PRKCSH: variants seen among roughly 807,000 people sequenced by gnomAD.
The protein encoded by PRKCSH is glucosidase 2 subunit beta.
In PRKCSH, 42 loss-of-function variants were observed where a neutral mutation model predicts 79.7. The ratio of observed to expected loss-of-function variants is 0.53; its 90% CI spans 0.41 to 0.68. PRKCSH has a LOEUF of 0.68. Among genes scored for constraint, PRKCSH ranks in the 30% least tolerant of loss-of-function variants. The probability of loss-of-function intolerance (pLI) is 0.00; values close to 1 mark genes in which losing one functional copy is unlikely to be tolerated. For synonymous variants in PRKCSH, 325 were observed against 288.2 expected (o/e 1.13, Z -1.29); for missense variants, 686 against 709.0 (o/e 0.97, Z 0.37).
intron 8 of PRKCSH, 127 bp from the exon 9 acceptor site, chr19:11,446,145 C>G: frequency 1.0e-6 from 1 of 981,790 alleles, no homozygotes; most frequent in South Asian, 1.4e-5. Context: ...GGCCCCTACA[C>G]CTTGAGGTCC....
Position 11,447,057 on chromosome 19 carries a change from A to AC in PRKCSH, c.763-12dup. On this transcript the variant is annotated splice_polypyrimidine_tract_variant and intron_variant, in intron 9 of 17. Transcript: ENST00000677123. The surrounding 1 kb of genome is among the most constrained non-coding windows in gnomAD (Gnocchi z 5.6). ...ACGTGGTGGCCTAGATCTTGACACCACCCCCAACACACACAGGCCCTCCTC... is the reference window on the plus strand; with the variant it reads ...ACGTGGTGGCCTAGATCTTGACACCACCCCCCAACACACACAGGCCCTCCTC... The AC allele has an allele frequency of 6.2e-7, 1 of 1,612,600 alleles. No individual in the cohort carries two copies. The highest frequency in any genetic ancestry group is 8.5e-7 in the Non-Finnish European group (1 of 1,178,974).
Position 11,448,658 on chromosome 19 carries a change from C to T in PRKCSH, c.1286+29C>T. 2 of 1,600,934 alleles carry T rather than the reference C, an allele frequency of 1.2e-6. No homozygotes were observed. Among genetic ancestry groups the T allele is most frequent in the Non-Finnish European group, 8.6e-7 (1 of 1,168,120 alleles). ...CGTCCCAGGAATGCAGGGGCCCCCA[C>T]TGGCAGGGTGGGAGGCGGGTGGCCC... On this transcript the variant is annotated intron_variant, in intron 14 of 17. Coordinates refer to ENST00000677123, the MANE Select transcript of PRKCSH (RefSeq NM_001289104.2). This position sits in a 1 kb window ranked among gnomAD's most constrained non-coding sequence, Gnocchi z 4.4.
intron 2 of PRKCSH, 66 bp downstream of exon 2, chr19:11,436,262 A>T (rs1184189250): frequency 1.3e-6 from 2 of 1,596,110 alleles, no homozygotes; most frequent in Admixed American, 3.4e-5. Flanking sequence ...GGCCTTAGGG[A>T]TAGGCATTTA....
rs1205370454 is a variant in PRKCSH at position 11,444,199 on chromosome 19, CTT to C, written c.599-1188_599-1187del. Among the ~76,000 whole-genome samples, 5 of 152,238 alleles carry C rather than the reference CTT, an allele frequency of 3.3e-5. No homozygotes were observed. The East Asian group carries it at 9.6e-4, about 29-fold the overall frequency. On this transcript the variant is annotated intron_variant, in intron 7 of 17. Transcript: ENST00000677123. The stretch of plus-strand genomic sequence containing the variant: ...TGTCTGGCTCTGTCTGCCCCTGAAT[CTT>C]TGTCGTGTTGCAAGCTTCCTTTCAC...
chr19:11,446,208 G>A (rs746856031), intron 8 of PRKCSH, 64 bp from the exon 9 acceptor site: 29 of 1,562,240 alleles, frequency 1.9e-5, no homozygotes, highest in Non-Finnish European at 2.5e-5. Context: ...GGGCCACATG[G>A]TGCCCCCAAC....
At position 11,448,633 on chromosome 19, in the gene PRKCSH, C is replaced by T. The variant is rs776379869; in HGVS notation, c.1286+4C>T. ...GCTACGAGCTCACCACCAACGAGTG[C>T]GTCCCAGGAATGCAGGGGCCCCCAC... On this transcript the variant is annotated splice_donor_region_variant and intron_variant, in intron 14 of 17. Transcript: ENST00000677123. This position sits in a 1 kb window ranked among gnomAD's most constrained non-coding sequence, Gnocchi z 4.4. The T allele has an allele frequency of 1.2e-5, 20 of 1,613,380 alleles. No homozygotes were observed. Among genetic ancestry groups the T allele is most frequent in the Middle Eastern group, 1.6e-4 (1 of 6,084 alleles).
At position 11,440,696 on chromosome 19, in the gene PRKCSH, G is replaced by A. The variant is rs151269266; in HGVS notation, c.351-544G>A. On this transcript the variant is annotated intron_variant, in intron 5 of 17. Coordinates refer to ENST00000677123, the MANE Select transcript of PRKCSH (RefSeq NM_001289104.2). ...TCGAACTCCTGACCTCAGGTGATCC[G>A]CCCGCCTTGGCCTCCCAAAGTGCTG... Among the ~76,000 whole-genome samples the A allele has an allele frequency of 5.4e-3, 815 of 151,806 alleles. 9 individuals are homozygous for A. The highest frequency in any genetic ancestry group is 0.018 in the African/African-American group (762 of 41,408).
chr19:11,436,372 C>T lies in PRKCSH; in HGVS notation c.80-17C>T, dbSNP rs944521268. The T allele has an allele frequency of 6.8e-6, 11 of 1,612,354 alleles. No homozygotes were observed. Among genetic ancestry groups the T allele is most frequent in the Non-Finnish European group, 9.3e-6 (11 of 1,178,466 alleles). Reference sequence around the variant, plus strand: ...AGGCGCTTACCTGCCCTGGGCTGAGCTTCCTGTACCCCGCAGATCATCACT... The same window carrying T: ...AGGCGCTTACCTGCCCTGGGCTGAGTTTCCTGTACCCCGCAGATCATCACT... On this transcript the variant is annotated splice_polypyrimidine_tract_variant and intron_variant, in intron 2 of 17. Coordinates refer to ENST00000677123, the MANE Select transcript of PRKCSH (RefSeq NM_001289104.2).
At chr19:11,441,095 A>G (rs1970041419) in intron 5 of PRKCSH, 145 bp from the exon 6 acceptor site, 6 of 826,440 alleles carry the variant, frequency 7.3e-6, no homozygotes, top group Non-Finnish European at 8.5e-6. Flanking sequence ...GCTGATGTTG[A>G]GAGAACCTGG....
chr19:11,436,310 G>A, intron 2 of PRKCSH, 79 bp from the exon 3 acceptor site: 2 of 1,575,780 alleles, frequency 1.3e-6, no homozygotes, highest in Non-Finnish European at 1.7e-6. Flanking sequence ...TGCTCCGCTG[G>A]TGGGGATGGG....
At position 11,435,637 on chromosome 19, in the gene PRKCSH, T is replaced by G; in HGVS notation, c.-147T>G. 1.6e-6 allele frequency: 2 copies of G among 1,254,472 alleles called. No individual in the cohort carries two copies. Among genetic ancestry groups the G allele is most frequent in the Non-Finnish European group, 1.0e-6 (1 of 956,386 alleles). 77.7% of individuals were successfully genotyped at this position (1,254,472 alleles called of 1,614,324 possible). A position where few individuals can be genotyped will look rare whatever the true frequency, so the allele number is the denominator to read the frequency against. The stretch of plus-strand genomic sequence containing the variant: ...CGGGGTCCAGAAATTTCCGCTTTCT[T>G]TCTGCAGCAGGAACCGCGGCTGCTG... On this transcript the variant is annotated 5_prime_UTR_variant, in exon 1 of 18. Transcript: ENST00000677123.
intron 1 of PRKCSH, 27 bp from the exon 2 acceptor site, chr19:11,436,014 T>G (rs1205237267): frequency 2.7e-6 from 4 of 1,496,548 alleles, no homozygotes; most frequent in Non-Finnish European, 3.7e-6. Context: ...CCTCTCCCAC[T>G]GACCGGGATC....
chr19:11,439,556 A>G (rs1486865096), intron 5 of PRKCSH, among the ~76,000 whole-genome samples: 1 of 147,132 alleles, frequency 6.8e-6, no homozygotes, highest in Non-Finnish European at 1.5e-5. Flanking sequence ...GGAGTTTGAG[A>G]CCAGCCTGGG....
rs748426496 is a variant in PRKCSH, at chr19:11,449,381, C to T, written c.1577C>T (p.Ala526Val). Residue 526 changes from alanine to valine, a missense_variant, in exon 17 of 18, where the codon GCA (alanine) becomes GTA (valine). Around this residue, in one of 2 missense-constraint regions of PRKCSH, gnomAD observed 137 missense variants for 188.8 expected, o/e 0.73. Transcript: ENST00000677123. This position sits in a 1 kb window ranked among gnomAD's most constrained non-coding sequence, Gnocchi z 6.4. Reference protein sequence around the residue: ...PAACPEPPPEAPTEDDHDEL With the variant: ...PAACPEPPPEVPTEDDHDEL ...GCCTGCCCGGAGCCACCGCCTGAAG[C>T]ACCCACCGAAGACGACCATGACGAG... 6.2e-7 allele frequency: 1 copy of T among 1,613,260 alleles called. No homozygotes were observed. The highest frequency in any genetic ancestry group is 2.2e-5 in the East Asian group (1 of 44,886).
At chr19:11,450,197 G>A (rs891075780) in intron 17 of PRKCSH, among the ~76,000 whole-genome samples, 1 of 151,478 alleles carries the variant, frequency 6.6e-6, no homozygotes, top group East Asian at 2.0e-4. Context: ...AATAGGCCAG[G>A]CGTCGTGGCT....
Position 11,448,817 on chromosome 19 carries a change from C to T in PRKCSH, c.1287-97C>T. On this transcript the variant is annotated intron_variant, in intron 14 of 17. Coordinates refer to ENST00000677123, the MANE Select transcript of PRKCSH (RefSeq NM_001289104.2). The surrounding 1 kb of genome is among the most constrained non-coding windows in gnomAD (Gnocchi z 4.4). ...GGGTTGGTCATTGGAGTTGGAGGTA[C>T]CCTGTGTGTGGGGACTGGAGGAGGC... The T allele has an allele frequency of 2.0e-6, 3 of 1,483,214 alleles. No homozygotes were observed. The highest frequency in any genetic ancestry group is 1.9e-6 in the Non-Finnish European group (2 of 1,062,604). 91.9% of individuals were successfully genotyped at this position (1,483,214 alleles called of 1,614,324 possible). A position where few individuals can be genotyped will look rare whatever the true frequency, so the allele number is the denominator to read the frequency against.
chr19:11,445,285 G>C, intron 7 of PRKCSH, 104 bp from the exon 8 acceptor site: 1 of 1,044,584 alleles, frequency 9.6e-7, no homozygotes, highest in South Asian at 1.3e-5. Context: ...CCAGCATGGG[G>C]CCAGGCATAT....
At chr19:11,443,962 G>T (rs758528182) in intron 7 of PRKCSH, among the ~76,000 whole-genome samples, 4 of 152,136 alleles carry the variant, frequency 2.6e-5, no homozygotes, top group African/African-American at 4.8e-5. Flanking sequence ...TTTTAGTAGA[G>T]ACGGGGTTTC....
At chr19:11,445,133 T>C (rs1970234530) in intron 7 of PRKCSH, among the ~76,000 whole-genome samples, 1 of 152,044 alleles carries the variant, frequency 6.6e-6, no homozygotes, top group Admixed American at 6.5e-5. Context: ...GCCCCACCAG[T>C]GGCCCTCCTG....
Sources: allele counts gnomAD v4.1 joint callset (sites outside exome capture counted in the v4.1 genomes callset), GRCh38; gene constraint gnomAD v4.1.1; regional missense constraint gnomAD v4.1.1; non-coding constraint Gnocchi (gnomAD v3.1); transcripts MANE v1.5; gene names NCBI Gene and HGNC (gene_info 2026-07-23, HGNC 2026-07-21).